The following CDH13 variants were observed in gnomAD, a reference collection of about 807,000 sequenced individuals.
CDH13 encodes the protein cadherin-13.
In CDH13, 24 loss-of-function variants were observed where a neutral mutation model predicts 63.8. That is an observed-to-expected ratio of 0.38 (90% CI 0.27 to 0.53). CDH13 has a LOEUF of 0.53. CDH13 is among the 20% of genes least tolerant of loss of function. CDH13 has a pLI of 0.85. For synonymous variants in CDH13, 503 were observed against 355.3 expected, an observed-to-expected ratio of 1.42 and a Z score of -4.67; for missense variants, 1,049 against 903.1, an observed-to-expected ratio of 1.16 and a Z score of -2.07.
intron 3 of CDH13, among the ~76,000 whole-genome samples, chr16:83,096,824 G>A (rs930930214): frequency 6.6e-6 from 1 of 152,138 alleles, no homozygotes; most frequent in Admixed American, 6.5e-5. Context: ...ACTTAAAAAT[G>A]ATGATTTTTT....
chr16:83,557,544 C>T (rs2075628244), intron 7 of CDH13, among the ~76,000 whole-genome samples: 1 of 152,096 alleles, frequency 6.6e-6, no homozygotes, highest in Admixed American at 6.6e-5. Context: ...TCTCTGTAAG[C>T]CTTTCGGAAA....
chr16:82,905,250 A>G (rs1427171714), intron 2 of CDH13, among the ~76,000 whole-genome samples: 1 of 152,174 alleles, frequency 6.6e-6, no homozygotes, highest in Admixed American at 6.6e-5. Context: ...TTTATGGGAG[A>G]TAATACTGAG....
intron 2 of CDH13, among the ~76,000 whole-genome samples, chr16:82,982,182 T>C (rs1910354901): frequency 6.6e-6 from 1 of 152,202 alleles, no homozygotes; most frequent in South Asian, 2.1e-4. Flanking sequence ...TAGGAAGGTA[T>C]ATGAATTAAT....
chr16:83,533,892 A>G (rs911020271), intron 7 of CDH13, among the ~76,000 whole-genome samples: 3 of 152,182 alleles, frequency 2.0e-5, no homozygotes, highest in Non-Finnish European at 4.4e-5. Context: ...AGCTGCTGGG[A>G]TTACAGGCAT....
intron 1 of CDH13, among the ~76,000 whole-genome samples, chr16:82,676,041 A>T (rs1913861229): frequency 1.3e-5 from 2 of 152,182 alleles, no homozygotes; most frequent in South Asian, 4.2e-4. Flanking sequence ...GGGAGAAAAG[A>T]TTGATTAAGC....
chr16:82,919,131 T>G (rs1467750225), intron 2 of CDH13, among the ~76,000 whole-genome samples: 2 of 152,228 alleles, frequency 1.3e-5, no homozygotes, highest in Non-Finnish European at 2.9e-5. Context: ...TTTGTTGGCC[T>G]ATATATTCCA....
Position 82,886,246 on chromosome 16 carries a change from G to C in CDH13, c.157+27773G>C, listed in dbSNP as rs575245156. Among the ~76,000 whole-genome samples, 5 of 152,192 alleles carry C rather than the reference G, an allele frequency of 3.3e-5. No homozygotes were observed. The South Asian group carries it at 8.3e-4, about 25-fold the overall frequency. On this transcript the variant is annotated intron_variant, in intron 2 of 13. Coordinates refer to ENST00000567109, the MANE Select transcript of CDH13 (RefSeq NM_001257.5). ...ATGCTGCAGTGAACATCCTTATTCA[G>C]TTATTTCCTTAGATTAAGTTTTCAG...
chr16:83,361,807 C>G (rs1056083763), intron 6 of CDH13, among the ~76,000 whole-genome samples: 9 of 152,066 alleles, frequency 5.9e-5, no homozygotes, highest in Admixed American at 5.9e-4. Context: ...TGTACCGTAC[C>G]ATGCTGTTTT....
chr16:83,298,008 C>G (rs2089642187), intron 5 of CDH13, among the ~76,000 whole-genome samples: 1 of 141,898 alleles, frequency 7.0e-6, no homozygotes, highest in South Asian at 2.2e-4. Flanking sequence ...CCCAGGAGTT[C>G]TAGACCAGCC....
chr16:83,511,402 C>T (rs1184019894), intron 7 of CDH13, among the ~76,000 whole-genome samples: 1 of 151,662 alleles, frequency 6.6e-6, no homozygotes, highest in Non-Finnish European at 1.5e-5. Flanking sequence ...GCCAAGGTTG[C>T]AGTGAGCTGA....
At chr16:83,597,650 A>C (rs1224114568) in intron 7 of CDH13, among the ~76,000 whole-genome samples, 1 of 152,206 alleles carries the variant, frequency 6.6e-6, no homozygotes, top group Admixed American at 6.5e-5. Flanking sequence ...GTCAGCCTTA[A>C]GTTTGCCAGA....
intron 5 of CDH13, among the ~76,000 whole-genome samples, chr16:83,325,517 T>A (rs1380412185): frequency 6.6e-6 from 1 of 152,202 alleles, no homozygotes; most frequent in Non-Finnish European, 1.5e-5. Flanking sequence ...CTGCTGTTAC[T>A]CAGTTCTGCT....
At chr16:82,675,931 C>T (rs1237986283) in intron 1 of CDH13, among the ~76,000 whole-genome samples, 2 of 152,176 alleles carry the variant, frequency 1.3e-5, no homozygotes, top group Non-Finnish European at 2.9e-5. Context: ...CTGTAAGCAG[C>T]AAACTGCCTC....
Position 83,669,367 on chromosome 16 carries a change from G to A in CDH13, c.1102-1423G>A, listed in dbSNP as rs60482689. On this transcript the variant is annotated intron_variant, in intron 8 of 13. Coordinates refer to ENST00000567109, the MANE Select transcript of CDH13 (RefSeq NM_001257.5). ...GAGATTCTAATGTGCAGACAGGGCT[G>A]AGAACCGTTAGTATAGTTTTCTTGC... Among the ~76,000 whole-genome samples the A allele has an allele frequency of 2.9e-3, 443 of 152,328 alleles. 3 individuals are homozygous for A. The highest frequency in any genetic ancestry group is 0.01 in the African/African-American group (430 of 41,564).
chr16:82,682,546 A>G (rs1439879621), intron 1 of CDH13, among the ~76,000 whole-genome samples: 2 of 152,218 alleles, frequency 1.3e-5, no homozygotes, highest in Non-Finnish European at 2.9e-5. Flanking sequence ...TCCAAGTATG[A>G]AAGTTAATTT....
At chr16:82,788,911 T>G (rs7196979) in intron 1 of CDH13, among the ~76,000 whole-genome samples, 52,918 of 152,096 alleles carry the variant, frequency 0.35, 10,444 homozygotes, top group South Asian at 0.49. Context: ...AGGAAGACAT[T>G]TAAAAGAAAC....
chr16:82,857,192 C>A (rs2039737732), intron 1 of CDH13, among the ~76,000 whole-genome samples: 2 of 152,202 alleles, frequency 1.3e-5, no homozygotes, highest in Non-Finnish European at 2.9e-5. Flanking sequence ...TGATCTTGGG[C>A]AAGCTTGTTA....
chr16:83,078,277 C>T (rs1007484812), intron 3 of CDH13, among the ~76,000 whole-genome samples: 3 of 152,168 alleles, frequency 2.0e-5, no homozygotes, highest in Non-Finnish European at 4.4e-5. Flanking sequence ...TGTAAACAAG[C>T]AGTCCCCAAC....
intron 13 of CDH13, among the ~76,000 whole-genome samples, chr16:83,787,688 A>T (rs1358185401): frequency 1.3e-5 from 2 of 152,216 alleles, no homozygotes; most frequent in African/African-American, 2.4e-5. Flanking sequence ...CACCCCTGTA[A>T]TCCCAGCACT....
Sources: allele counts gnomAD v4.1 joint callset (sites outside exome capture counted in the v4.1 genomes callset), GRCh38; gene constraint gnomAD v4.1.1; transcripts MANE v1.5; gene names NCBI Gene and HGNC (gene_info 2026-07-23, HGNC 2026-07-21).